The following MICALL1 variants were observed in gnomAD, a reference collection of about 807,000 sequenced individuals.
The protein encoded by MICALL1 is MICAL-like protein 1.
A neutral mutation model predicts 83.7 loss-of-function variants in MICALL1; 61 were observed. The observed-to-expected ratio is 0.73, with a 90% confidence interval of 0.59 to 0.90. MICALL1 has a LOEUF of 0.90. Ranked by LOEUF, MICALL1 falls within the 40% of genes least tolerant of loss-of-function variation. MICALL1 has a pLI of 0.00. For missense variants in MICALL1, 1,066 were observed against 1,152.0 expected, an observed-to-expected ratio of 0.93 and a Z score of 1.08; for synonymous variants, 481 against 473.6, an observed-to-expected ratio of 1.02 and a Z score of -0.20.
intron 8 of MICALL1, 99 bp downstream of exon 8, chr22:37,926,142 C>A: frequency 7.1e-7 from 1 of 1,407,112 alleles, no homozygotes; most frequent in Non-Finnish European, 9.5e-7. Flanking sequence ...CCAGGCCAGG[C>A]ACCACGTGTT....
intron 15 of MICALL1, among the ~76,000 whole-genome samples, chr22:37,940,278 CG>C (rs1930363523): frequency 6.6e-6 from 1 of 151,520 alleles, no homozygotes; most frequent in African/African-American, 2.4e-5. Context: ...AAAAATTAGC[CG>C]GGGCGTGGTG....
At chr22:37,926,996 G>A (rs1360769492) in intron 8 of MICALL1, 2 of 225,682 alleles carry the variant, frequency 8.9e-6, no homozygotes, top group Non-Finnish European at 1.8e-5. Flanking sequence ...GCCACGAGGA[G>A]ATAAATTGGT....
At chr22:37,916,931 T>G (rs1332777005) in intron 3 of MICALL1, among the ~76,000 whole-genome samples, 1 of 152,140 alleles carries the variant, frequency 6.6e-6, no homozygotes, top group Non-Finnish European at 1.5e-5. Flanking sequence ...TGGCGCGATC[T>G]CAACTCACTG....
intron 3 of MICALL1, among the ~76,000 whole-genome samples, chr22:37,916,357 G>A (rs1347737934): frequency 1.3e-5 from 2 of 152,156 alleles, no homozygotes; most frequent in Non-Finnish European, 2.9e-5. Context: ...AAAAAGAAAA[G>A]GTACAGTTTG....
chr22:37,923,751 A>G (rs1369859962), intron 6 of MICALL1, among the ~76,000 whole-genome samples: 1 of 151,796 alleles, frequency 6.6e-6, no homozygotes. Context: ...GCTCTCTGGG[A>G]CTCTGCACAT....
intron 1 of MICALL1, among the ~76,000 whole-genome samples, chr22:37,909,514 AT>A (rs1928182606): frequency 6.6e-6 from 1 of 151,974 alleles, no homozygotes; most frequent in South Asian, 2.1e-4. Context: ...GCCCGCCACC[AT>A]GCCTGGCTAA....
At chr22:37,936,909 A>G (rs555430287) in intron 13 of MICALL1, among the ~76,000 whole-genome samples, 171 bp from the exon 14 acceptor site, 72 of 152,142 alleles carry the variant, frequency 4.7e-4, no homozygotes, top group Non-Finnish European at 8.8e-4. Flanking sequence ...AAAACAAAAA[A>G]AAAAGAACTT....
At chr22:37,913,345 G>A (rs1475512634) in intron 3 of MICALL1, among the ~76,000 whole-genome samples, 5 of 152,188 alleles carry the variant, frequency 3.3e-5, no homozygotes, top group Admixed American at 2.0e-4. Context: ...AAGTCCCGTG[G>A]GGGAGATAGA....
At chr22:37,912,072 G>A in intron 2 of MICALL1, 72 bp downstream of exon 2, 1 of 1,555,322 alleles carries the variant, frequency 6.4e-7, no homozygotes, top group South Asian at 1.1e-5. Context: ...TGTTTGGTGG[G>A]GAGGGCAGGG....
At chr22:37,911,915 C>T (rs376461508) in intron 1 of MICALL1, 37 bp from the exon 2 acceptor site, 1 of 1,611,366 alleles carries the variant, frequency 6.2e-7, no homozygotes, top group Non-Finnish European at 8.5e-7. Context: ...CAGTCACCTC[C>T]CCTCTTGACC....
At chr22:37,933,660 C>G (rs1381782409) in intron 13 of MICALL1, among the ~76,000 whole-genome samples, 1 of 152,168 alleles carries the variant, frequency 6.6e-6, no homozygotes, top group Non-Finnish European at 1.5e-5. Flanking sequence ...GAGGGCTCCT[C>G]ACACGCCCTG....
At chr22:37,918,892 C>T (rs1035071133) in intron 4 of MICALL1, 144 bp from the exon 5 acceptor site, 33 of 1,029,732 alleles carry the variant, frequency 3.2e-5, no homozygotes, top group Non-Finnish European at 4.1e-5. Context: ...CCTCCTGGGG[C>T]CCTGATGAAG....
intron 3 of MICALL1, among the ~76,000 whole-genome samples, chr22:37,913,201 T>C (rs1033433791): frequency 1.3e-5 from 2 of 152,074 alleles, no homozygotes; most frequent in African/African-American, 4.8e-5. Flanking sequence ...TGACCTCAGG[T>C]GATCTGCCCG....
chr22:37,933,007 A>G (rs1176654222), intron 12 of MICALL1, 32 bp from the exon 13 acceptor site: 1 of 1,613,914 alleles, frequency 6.2e-7, no homozygotes, highest in Admixed American at 1.7e-5. Flanking sequence ...CTCGGGCAGA[A>G]TTGTTAAGAG....
chr22:37,940,621 A>G (rs1930383415), intron 15 of MICALL1, 88 bp from the exon 16 acceptor site: 2 of 1,529,380 alleles, frequency 1.3e-6, no homozygotes, highest in South Asian at 1.2e-5. Flanking sequence ...CCTGCTGCCC[A>G]TGCCCAGGCC....
chr22:37,925,070 C>A (rs1414796078), intron 7 of MICALL1, among the ~76,000 whole-genome samples: 6 of 152,184 alleles, frequency 3.9e-5, no homozygotes, highest in Admixed American at 3.9e-4. Flanking sequence ...CCTGGAAAAG[C>A]TCAGCTGTAG....
intron 1 of MICALL1, among the ~76,000 whole-genome samples, chr22:37,911,475 G>C (rs1928317783): frequency 6.6e-6 from 1 of 152,330 alleles, no homozygotes; most frequent in East Asian, 1.9e-4. Flanking sequence ...CCAGGCCTCA[G>C]TGTCCTCATC....
At chr22:37,910,021 C>T (rs1928217722) in intron 1 of MICALL1, among the ~76,000 whole-genome samples, 1 of 152,174 alleles carries the variant, frequency 6.6e-6, no homozygotes, top group South Asian at 2.1e-4. Context: ...GAAATCCAGA[C>T]ATGCTTAAGC....
chr22:37,924,056 A>G lies in MICALL1; in HGVS notation c.1025-604A>G, dbSNP rs973600636. Among the ~76,000 whole-genome samples, 1 of 152,184 alleles carries G rather than the reference A, an allele frequency of 6.6e-6. No homozygotes were observed. The highest frequency in any genetic ancestry group is 1.5e-5 in the Non-Finnish European group (1 of 68,036). The stretch of plus-strand genomic sequence containing the variant: ...ATAAGGCTGCTGGGCAGCCCTTATC[A>G]TTCCATTAGGGAAGGCATTGGTGGC... On this transcript the variant is annotated intron_variant, in intron 6 of 15. Transcript: ENST00000215957. The surrounding 1 kb of genome is among the most constrained non-coding windows in gnomAD (Gnocchi z 5.2).
Sources: gnomAD v4.1 joint callset for allele counts (sites outside exome capture counted in the v4.1 genomes callset) on GRCh38, gnomAD v4.1.1 for gene constraint, Gnocchi (gnomAD v3.1) non-coding constraint, MANE v1.5 for transcripts, NCBI Gene and HGNC (gene_info 2026-07-23, HGNC 2026-07-21) for gene names.